Variants in CADM2 observed in about 807,000 individuals in gnomAD.
CADM2 encodes cell adhesion molecule 2, also known as immunoglobulin superfamily member 4D.
CADM2 carries 12 observed loss-of-function variants against 49.8 expected under a neutral mutation model. That is an observed-to-expected ratio of 0.24 (90% CI 0.15 to 0.39). The LOEUF (loss-of-function observed/expected upper bound fraction) is 0.39. Ranked by LOEUF, CADM2 falls within the 10% of genes least tolerant of loss-of-function variation. The probability of loss-of-function intolerance (pLI) is 1.00; values close to 1 mark genes in which losing one functional copy is unlikely to be tolerated. For synonymous variants in CADM2, 214 were observed against 175.4 expected, an observed-to-expected ratio of 1.22 and a Z score of -1.74; for missense variants, 378 against 492.3, an observed-to-expected ratio of 0.77 and a Z score of 2.20.
intron 1 of CADM2, among the ~76,000 whole-genome samples, chr3:85,003,755 A>G (rs1003001613): frequency 2.0e-5 from 3 of 152,164 alleles, no homozygotes; most frequent in African/African-American, 7.2e-5. Context: ...AACTTTGTAA[A>G]GAAAAAATGA....
chr3:85,071,739 C>T (rs1014523627), intron 1 of CADM2, among the ~76,000 whole-genome samples: 4 of 151,862 alleles, frequency 2.6e-5, no homozygotes, highest in Admixed American at 6.6e-5. Flanking sequence ...AAGAACTGAG[C>T]CTTGATTATC....
At chr3:85,770,637 T>C (rs933182539) in intron 2 of CADM2, among the ~76,000 whole-genome samples, 2 of 152,138 alleles carry the variant, frequency 1.3e-5, no homozygotes, top group African/African-American at 4.8e-5. Context: ...AATATGAAGA[T>C]TGCTTTTTGA....
At chr3:85,399,616 T>A (rs1489442974) in intron 1 of CADM2, among the ~76,000 whole-genome samples, 14 of 152,218 alleles carry the variant, frequency 9.2e-5, no homozygotes, top group Admixed American at 9.2e-4. Context: ...GAGCATGGAA[T>A]GTTCTTCCAT....
chr3:85,178,886 A>G (rs1319182513), intron 1 of CADM2, among the ~76,000 whole-genome samples: 2 of 151,894 alleles, frequency 1.3e-5, no homozygotes, highest in Non-Finnish European at 3.0e-5. Flanking sequence ...CTACAAAAGT[A>G]GTATAGCACC....
intron 1 of CADM2, among the ~76,000 whole-genome samples, chr3:85,038,197 C>T (rs1227340453): frequency 2.0e-5 from 3 of 152,046 alleles, no homozygotes; most frequent in African/African-American, 7.2e-5. Context: ...TGCCAAGCAG[C>T]AAAAAGAGCA....
intron 3 of CADM2, among the ~76,000 whole-genome samples, chr3:85,840,194 T>C (rs1471992861): frequency 1.3e-5 from 2 of 151,928 alleles, no homozygotes; most frequent in Admixed American, 1.3e-4. Flanking sequence ...TTACTGTTAA[T>C]TTCACAGCAT....
intron 1 of CADM2, among the ~76,000 whole-genome samples, chr3:85,427,941 A>G (rs1489662004): frequency 6.6e-6 from 1 of 152,050 alleles, no homozygotes; most frequent in African/African-American, 2.4e-5. Flanking sequence ...ATGACTTGTG[A>G]TATCTCATTC....
intron 1 of CADM2, among the ~76,000 whole-genome samples, chr3:84,972,252 C>T (rs1368944164): frequency 6.6e-6 from 1 of 152,218 alleles, no homozygotes; most frequent in Admixed American, 6.5e-5. Flanking sequence ...TGATTGCAAA[C>T]TGCAGAGATG....
chr3:85,655,714 A>G (rs2065176675), intron 1 of CADM2, among the ~76,000 whole-genome samples: 2 of 152,188 alleles, frequency 1.3e-5, no homozygotes, highest in South Asian at 4.1e-4. Flanking sequence ...TCAAACCCAA[A>G]CCCAGCAGAA....
chr3:86,021,333 C>A (rs977755437), intron 8 of CADM2, among the ~76,000 whole-genome samples: 2 of 152,080 alleles, frequency 1.3e-5, no homozygotes, highest in African/African-American at 2.4e-5. Flanking sequence ...CACTTCAATT[C>A]CCCTTTCAAA....
intron 1 of CADM2, among the ~76,000 whole-genome samples, chr3:85,426,944 G>A (rs13081230): frequency 0.25 from 37,729 of 151,304 alleles, 4,881 homozygotes; most frequent in South Asian, 0.34. Context: ...GCAATGGTGT[G>A]ATCTTGGCTC....
intron 1 of CADM2, among the ~76,000 whole-genome samples, chr3:85,220,623 C>T (rs1416985968): frequency 6.6e-6 from 1 of 151,986 alleles, no homozygotes; most frequent in Non-Finnish European, 1.5e-5. Flanking sequence ...ATTTAAATCT[C>T]CTCAGGTAAA....
At chr3:85,403,211 T>C (rs1360645747) in intron 1 of CADM2, among the ~76,000 whole-genome samples, 2 of 152,154 alleles carry the variant, frequency 1.3e-5, no homozygotes, top group Non-Finnish European at 2.9e-5. Context: ...TGATTTCGTA[T>C]TGTTCAAATT....
At chr3:85,238,315 CTTAT>C (rs2042454715) in intron 1 of CADM2, among the ~76,000 whole-genome samples, 1 of 151,858 alleles carries the variant, frequency 6.6e-6, no homozygotes, top group Admixed American at 6.6e-5. Context: ...ATTTCTGTAG[CTTAT>C]TTTTCACTTC....
At chr3:85,296,921 TG>T (rs560209711) in intron 1 of CADM2, among the ~76,000 whole-genome samples, 90 of 152,216 alleles carry the variant, frequency 5.9e-4, no homozygotes, top group African/African-American at 2.1e-3. Context: ...AAATAGAGTA[TG>T]TTTTTTGCTC....
intron 1 of CADM2, among the ~76,000 whole-genome samples, chr3:85,084,040 C>G (rs1363448534): frequency 6.6e-6 from 1 of 152,124 alleles, no homozygotes; most frequent in African/African-American, 2.4e-5. Context: ...GTTTTCAACT[C>G]TTGCGTTGTC....
In CADM2 at chr3:84,959,421, G is replaced by A. The variant is rs544337978; in HGVS notation, c.-187G>A. On this transcript the variant is annotated 5_prime_UTR_variant, in exon 1 of 10. In the 5' UTR this introduces an upstream ATG that the reference lacks. Transcript: ENST00000383699. ...TATTTCGCGATACCCCATTCTGCGG[G>A]TGCTTTGCCGCTGCCGCTTCTGCTG... 4 of 591,142 alleles carry A rather than the reference G, an allele frequency of 6.8e-6. No homozygotes were observed. Among genetic ancestry groups the A allele is most frequent in the East Asian group, 3.0e-5 (1 of 33,530 alleles). The allele number at this position is 591,142 out of a possible 1,614,324, so 36.6% of individuals were successfully genotyped here.
chr3:85,157,873 C>A (rs938718007), intron 1 of CADM2, among the ~76,000 whole-genome samples: 2 of 152,128 alleles, frequency 1.3e-5, no homozygotes, highest in Non-Finnish European at 1.5e-5. Flanking sequence ...TTCTGCGCAG[C>A]AAAACAAACT....
chr3:85,389,986 A>G (rs10511087), intron 1 of CADM2, among the ~76,000 whole-genome samples: 75,818 of 151,888 alleles, frequency 0.5, 22,022 homozygotes, highest in East Asian at 0.81. Context: ...ACAAGTCAGC[A>G]TCCTAATTTC....
Sources: allele counts gnomAD v4.1 joint callset (sites outside exome capture counted in the v4.1 genomes callset), GRCh38; gene constraint gnomAD v4.1.1; transcripts MANE v1.5; gene names NCBI Gene and HGNC (gene_info 2026-07-23, HGNC 2026-07-21).